The following SLIT3 variants were observed in gnomAD, a reference collection of about 807,000 sequenced individuals.
The protein encoded by SLIT3 is slit guidance ligand 3.
A neutral mutation model predicts 184.0 loss-of-function variants in SLIT3; 68 were observed. That is an observed-to-expected ratio of 0.37 (90% CI 0.30 to 0.45). The LOEUF is 0.45. Ranked by LOEUF, SLIT3 falls within the 20% of genes least tolerant of loss-of-function variation. The probability of loss-of-function intolerance (pLI) is 1.00; values close to 1 mark genes in which losing one functional copy is unlikely to be tolerated. For missense variants in SLIT3, 1,707 were observed against 2,026.0 expected, an observed-to-expected ratio of 0.84 and a Z score of 3.02; for synonymous variants, 831 against 828.6, an observed-to-expected ratio of 1.00 and a Z score of -0.05.
At chr5:168,971,923 G>C (rs1754590233) in intron 4 of SLIT3, among the ~76,000 whole-genome samples, 2 of 152,228 alleles carry the variant, frequency 1.3e-5, no homozygotes, top group Admixed American at 1.3e-4. Context: ...GAGTTCAATG[G>C]ACTTAGGTTA....
chr5:168,769,735 T>C (rs1755478906), intron 14 of SLIT3, among the ~76,000 whole-genome samples: 1 of 152,210 alleles, frequency 6.6e-6, no homozygotes, highest in South Asian at 2.1e-4. Context: ...CCTTAAAATC[T>C]AATTTTCTTT....
At chr5:168,933,085 G>A (rs575084938) in intron 4 of SLIT3, among the ~76,000 whole-genome samples, 1 of 152,294 alleles carries the variant, frequency 6.6e-6, no homozygotes, top group African/African-American at 2.4e-5. Context: ...GGATTGAAGA[G>A]AACACAGCAT....
chr5:169,290,978 G>T lies in SLIT3; in HGVS notation c.197+9535C>A, dbSNP rs371307373. Among the ~76,000 whole-genome samples the T allele has an allele frequency of 1.2e-4, 19 of 152,290 alleles. No individual in the cohort carries two copies. The East Asian group carries it at 2.3e-3, about 19-fold the overall frequency. On this transcript the variant is annotated intron_variant, in intron 1 of 35. Transcript: ENST00000519560. ...AAAACCCAAGAGGTAGACAAGGTGG[G>T]TGGTTAAGTGTGCTGGCAGACTTTC...
At chr5:168,836,111 C>T (rs2113697660) in intron 6 of SLIT3, among the ~76,000 whole-genome samples, 1 of 152,288 alleles carries the variant, frequency 6.6e-6, no homozygotes, top group African/African-American at 2.4e-5. Context: ...GGCCAAATTC[C>T]TGTGAAAGCT....
chr5:168,692,554 T>TAG (rs1761940966), intron 29 of SLIT3, 53 bp downstream of exon 29: 1 of 1,276,420 alleles, frequency 7.8e-7, no homozygotes, highest in African/African-American at 1.5e-5. Context: ...CCTAGACTGT[T>TAG]AGAGGCAGAG....
intron 7 of SLIT3, among the ~76,000 whole-genome samples, chr5:168,820,388 G>A (rs577434446): frequency 1.3e-5 from 2 of 152,092 alleles, no homozygotes; most frequent in Admixed American, 6.5e-5. Context: ...CTTTGACTTC[G>A]GGTGGCAATT....
At chr5:169,055,853 A>G (rs1355440839) in intron 4 of SLIT3, among the ~76,000 whole-genome samples, 1 of 152,050 alleles carries the variant, frequency 6.6e-6, no homozygotes, top group Non-Finnish European at 1.5e-5. Context: ...AAAAGAAAAA[A>G]GAAAAAGAAG....
intron 5 of SLIT3, among the ~76,000 whole-genome samples, chr5:168,860,821 T>G (rs1759076214): frequency 6.6e-6 from 1 of 152,198 alleles, no homozygotes; most frequent in African/African-American, 2.4e-5. Context: ...CTGCCTTGCC[T>G]TTCCTATGAA....
chr5:169,062,303 A>G (rs1758197812), intron 4 of SLIT3, among the ~76,000 whole-genome samples: 1 of 152,230 alleles, frequency 6.6e-6, no homozygotes, highest in Admixed American at 6.5e-5. Flanking sequence ...CTCTAGTGAC[A>G]TAAGATAAAT....
intron 3 of SLIT3, among the ~76,000 whole-genome samples, chr5:169,238,546 T>A (rs1765281353): frequency 7.5e-6 from 1 of 132,824 alleles, no homozygotes; most frequent in Non-Finnish European, 1.7e-5. Flanking sequence ...GAAATAGCTT[T>A]TTTTTTTTTT....
intron 4 of SLIT3, among the ~76,000 whole-genome samples, chr5:169,019,750 T>C (rs1259243751): frequency 1.3e-5 from 2 of 152,242 alleles, no homozygotes; most frequent in Non-Finnish European, 2.9e-5. Flanking sequence ...AAATGTCCTC[T>C]TCCTATAGCT....
At position 169,297,156 on chromosome 5, in the gene SLIT3, C is replaced by T. The variant is rs921586244; in HGVS notation, c.197+3357G>A. Among the ~76,000 whole-genome samples, 5 of 152,320 alleles carry T rather than the reference C, an allele frequency of 3.3e-5. No individual in the cohort carries two copies. The South Asian group carries it at 6.2e-4, about 19-fold the overall frequency. On this transcript the variant is annotated intron_variant, in intron 1 of 35. Coordinates refer to ENST00000519560, the MANE Select transcript of SLIT3 (RefSeq NM_003062.4). The stretch of plus-strand genomic sequence containing the variant: ...CCTCTCGTCCTCTATCTTTGCTGCA[C>T]GGATAATAAATTACACTGAATTCTT...
At chr5:168,679,269 G>T (rs1761507071) in intron 32 of SLIT3, among the ~76,000 whole-genome samples, 1 of 151,998 alleles carries the variant, frequency 6.6e-6, no homozygotes, top group Non-Finnish European at 1.5e-5. Context: ...TGTTGCCCAG[G>T]ATACTCTCAA....
intron 7 of SLIT3, among the ~76,000 whole-genome samples, chr5:168,822,218 C>G (rs909979274): frequency 2.2e-4 from 34 of 152,192 alleles, no homozygotes; most frequent in African/African-American, 8.2e-4. Context: ...CTGCTTGGAA[C>G]TTTCAGTCCA....
intron 4 of SLIT3, chr5:168,995,652 A>G (rs1464617514): frequency 1.3e-5 from 2 of 152,236 alleles, no homozygotes; most frequent in Non-Finnish European, 2.9e-5. Context: ...TTGCAAAATA[A>G]ACGGTTTTCA....
chr5:169,244,350 A>G (rs1194582131), intron 3 of SLIT3, among the ~76,000 whole-genome samples: 1 of 152,204 alleles, frequency 6.6e-6, no homozygotes, highest in Non-Finnish European at 1.5e-5. Flanking sequence ...CTGATGCCAG[A>G]TCTCATGGCA....
chr5:168,869,932 C>G (rs575258602), intron 5 of SLIT3, among the ~76,000 whole-genome samples: 1 of 152,370 alleles, frequency 6.6e-6, no homozygotes, highest in African/African-American at 2.4e-5. Flanking sequence ...CAAATAATAG[C>G]TGTCGGTGTA....
At chr5:168,753,806 T>A in intron 17 of SLIT3, 58 bp downstream of exon 17, 1 of 1,575,608 alleles carries the variant, frequency 6.3e-7, no homozygotes, top group Non-Finnish European at 8.6e-7. Context: ...TGTCTCTAAT[T>A]CCCCTGCCCT....
chr5:168,729,350 G>C (rs1412660896), intron 20 of SLIT3, among the ~76,000 whole-genome samples: 1 of 152,078 alleles, frequency 6.6e-6, no homozygotes, highest in African/African-American at 2.4e-5. Flanking sequence ...TATTCAGAAT[G>C]TTTAATATAA....
Sources: allele counts gnomAD v4.1 joint callset (sites outside exome capture counted in the v4.1 genomes callset), GRCh38; gene constraint gnomAD v4.1.1; transcripts MANE v1.5; gene names NCBI Gene and HGNC (gene_info 2026-07-23, HGNC 2026-07-21).